Variants in NRCAM observed in about 807,000 individuals in gnomAD.
The protein encoded by NRCAM is NgCAM-related cell adhesion molecule.
A neutral mutation model predicts 156.5 loss-of-function variants in NRCAM; 83 were observed. That is an observed-to-expected ratio of 0.53 (90% CI 0.44 to 0.64). The LOEUF is 0.64. Ranked by LOEUF, NRCAM falls within the 30% of genes least tolerant of loss-of-function variation. The pLI is 0.00. For synonymous variants in NRCAM, 538 were observed against 563.9 expected (o/e 0.95, Z 0.65); for missense variants, 1,417 against 1,597.3 (o/e 0.89, Z 1.92).
chr7:108,226,313 T>C lies in NRCAM; in HGVS notation c.616A>G (p.Asn206Asp), dbSNP rs778605125. ...QGLNGDLYFS[N>D]VLPEDTREDY... ...TCGCGGGTGTCCTCTGGGAGGACAT[T>C]GGAAAAATAAAGGTCCCCATTCAAA... The change falls in exon 9 of 33, where the codon AAT becomes GAT. Residue 206 changes from asparagine (N) to aspartate (D), a missense_variant. Physicochemically the swap from Asn to Asp is conservative, Grantham distance 23 (BLOSUM62 1). Transcript: ENST00000379028. The C allele has an allele frequency of 3.7e-6, 6 of 1,609,758 alleles. No homozygotes were observed. In the African/African-American group the frequency reaches 6.7e-5, roughly 18 times the overall value.
chr7:108,281,578 G>T (rs1464811560), intron 3 of NRCAM, among the ~76,000 whole-genome samples: 2 of 152,192 alleles, frequency 1.3e-5, no homozygotes, highest in Non-Finnish European at 1.5e-5. Flanking sequence ...ATGGCAGAGG[G>T]GTCTAGCTGG....
chr7:108,329,815 C>G (rs1315620309), intron 2 of NRCAM, among the ~76,000 whole-genome samples: 1 of 152,174 alleles, frequency 6.6e-6, no homozygotes, highest in Non-Finnish European at 1.5e-5. Context: ...TGACTGGCTC[C>G]TATCTCTGCA....
At chr7:108,249,564 G>A (rs540805455) in intron 3 of NRCAM, among the ~76,000 whole-genome samples, 1 of 152,196 alleles carries the variant, frequency 6.6e-6, no homozygotes, top group South Asian at 2.1e-4. Flanking sequence ...AATTTATCAG[G>A]TTTACTCCAA....
intron 2 of NRCAM, among the ~76,000 whole-genome samples, chr7:108,379,465 G>A (rs1245839343): frequency 6.6e-6 from 1 of 152,160 alleles, no homozygotes; most frequent in Non-Finnish European, 1.5e-5. Context: ...ACAGGAGCTG[G>A]AGGAGAGGAG....
chr7:108,424,581 T>A (rs140115930), intron 1 of NRCAM, among the ~76,000 whole-genome samples: 344 of 152,342 alleles, frequency 2.3e-3, no homozygotes, highest in African/African-American at 8.1e-3. Context: ...GGGTTTACAC[T>A]ATTGCTCTTG....
At chr7:108,162,594 G>A (rs1445961415) in intron 30 of NRCAM, among the ~76,000 whole-genome samples, 1 of 152,194 alleles carries the variant, frequency 6.6e-6, no homozygotes, top group African/African-American at 2.4e-5. Context: ...TGCCAAAATC[G>A]AACTACTGAC....
intron 1 of NRCAM, among the ~76,000 whole-genome samples, chr7:108,429,210 GAGACAGAGTCTCACTCTATCACCC>G (rs1821566439): frequency 1.3e-5 from 2 of 151,032 alleles, no homozygotes; most frequent in Admixed American, 1.3e-4. Context: ...TTCTTTTTGT[GAGACAGAGTCTCACTCTATCACCC>G]AGGCTGGAGT....
chr7:108,428,942 C>T (rs948702305), intron 1 of NRCAM, among the ~76,000 whole-genome samples: 3 of 145,590 alleles, frequency 2.1e-5, no homozygotes, highest in Non-Finnish European at 3.1e-5. Context: ...ATTTTCTTTT[C>T]TTTTCTTCTT....
At chr7:108,172,919 C>G (rs1483556782) in intron 28 of NRCAM, among the ~76,000 whole-genome samples, 2 of 150,810 alleles carry the variant, frequency 1.3e-5, no homozygotes, top group Non-Finnish European at 2.9e-5. Context: ...CCTCTTTGAC[C>G]AGAAATGAAT....
chr7:108,255,640 T>G (rs2096601142), intron 3 of NRCAM, among the ~76,000 whole-genome samples: 1 of 148,248 alleles, frequency 6.7e-6, no homozygotes, highest in Non-Finnish European at 1.5e-5. Flanking sequence ...GTCTGGGATG[T>G]GAGGAGCGTC....
chr7:108,432,752 A>T (rs1485365359), intron 1 of NRCAM, among the ~76,000 whole-genome samples: 1 of 152,128 alleles, frequency 6.6e-6, no homozygotes, highest in Non-Finnish European at 1.5e-5. Context: ...AAATATAAAA[A>T]TCAGCCAAGT....
chr7:108,384,619 G>A (rs1442406727), intron 2 of NRCAM, among the ~76,000 whole-genome samples: 1 of 152,168 alleles, frequency 6.6e-6, no homozygotes, highest in South Asian at 2.1e-4. Flanking sequence ...AACTGCCCTT[G>A]GATTACAGCG....
chr7:108,178,223 ATTCCTGATTCAGCTG>A, intron 25 of NRCAM, 111 bp from the exon 26 acceptor site: 3 of 1,076,238 alleles, frequency 2.8e-6, no homozygotes, highest in Non-Finnish European at 4.0e-6. Flanking sequence ...TCAGTAACTC[ATTCCTGATTCAGCTG>A]AAAATACATT....
intron 3 of NRCAM, among the ~76,000 whole-genome samples, chr7:108,284,310 C>G (rs2097985772): frequency 6.6e-6 from 1 of 152,158 alleles, no homozygotes; most frequent in East Asian, 1.9e-4. Context: ...TAAGAAGTCA[C>G]CCAGTTCAGG....
chr7:108,357,047 C>T (rs1214641955), intron 2 of NRCAM, among the ~76,000 whole-genome samples: 2 of 152,204 alleles, frequency 1.3e-5, no homozygotes, highest in Non-Finnish European at 2.9e-5. Flanking sequence ...AGGGGACCCT[C>T]ACCAGACACA....
chr7:108,302,615 A>T (rs571535302), intron 3 of NRCAM, among the ~76,000 whole-genome samples: 2 of 152,328 alleles, frequency 1.3e-5, no homozygotes, highest in East Asian at 3.9e-4. Context: ...GTCCTCCTCA[A>T]GGGGCAACCT....
intron 2 of NRCAM, among the ~76,000 whole-genome samples, chr7:108,396,282 A>C (rs2099776726): frequency 6.6e-6 from 1 of 152,192 alleles, no homozygotes; most frequent in African/African-American, 2.4e-5. Flanking sequence ...TTTCGGGATG[A>C]GTGAATCATG....
intron 2 of NRCAM, among the ~76,000 whole-genome samples, chr7:108,378,631 CAA>C (rs1491373022): frequency 3.0e-5 from 3 of 100,628 alleles, no homozygotes; most frequent in African/African-American, 7.6e-5. Context: ...AAGCAGGATT[CAA>C]CACACACACA....
chr7:108,241,572 C>T (rs1358889921), intron 3 of NRCAM, among the ~76,000 whole-genome samples: 6 of 152,112 alleles, frequency 3.9e-5, no homozygotes, highest in African/African-American at 1.2e-4. Context: ...TTCCAATAAA[C>T]TGCAAGTCTC....
Sources: allele counts gnomAD v4.1 joint callset (sites outside exome capture counted in the v4.1 genomes callset), GRCh38; gene constraint gnomAD v4.1.1; transcripts MANE v1.5; gene names NCBI Gene and HGNC (gene_info 2026-07-23, HGNC 2026-07-21).